The following ASTN2 variants were observed in gnomAD, a reference collection of about 807,000 sequenced individuals.
ASTN2 encodes astrotactin-2.
In ASTN2, 54 loss-of-function variants were observed where a neutral mutation model predicts 139.8. The ratio of observed to expected loss-of-function variants is 0.39; its 90% confidence interval spans 0.31 to 0.48. The LOEUF is 0.48. Among genes scored for constraint, ASTN2 ranks in the 20% least tolerant of loss-of-function variants. The pLI is 0.95. For missense variants in ASTN2, 1,565 were observed against 1,725.1 expected, an observed-to-expected ratio of 0.91 and a Z score of 1.64; for synonymous variants, 756 against 719.5, an observed-to-expected ratio of 1.05 and a Z score of -0.81.
chr9:116,903,174 T>C (rs536979564), intron 10 of ASTN2, among the ~76,000 whole-genome samples: 2 of 152,318 alleles, frequency 1.3e-5, no homozygotes, highest in Non-Finnish European at 2.9e-5. Context: ...CTACTTAAAA[T>C]TGTGGCTCTC....
intron 10 of ASTN2, among the ~76,000 whole-genome samples, chr9:116,962,703 G>A (rs577121169): frequency 1.7e-4 from 26 of 152,060 alleles, no homozygotes; most frequent in African/African-American, 1.9e-4. Flanking sequence ...TTTTAATTTC[G>A]TTGCATCTAC....
chr9:116,499,524 A>G lies in ASTN2; in HGVS notation c.3356-12024T>C, dbSNP rs552321748. The stretch of plus-strand genomic sequence containing the variant: ...ACAGCTCCCTGTGTCCCTCTCTATT[A>G]TAGTCCATAACTCATTGTCCTGTAA... On this transcript the variant is annotated intron_variant, in intron 19 of 22. Transcript: ENST00000313400. Among the ~76,000 whole-genome samples the G allele has an allele frequency of 2.6e-5, 4 of 152,244 alleles. No homozygotes were observed. The South Asian group carries it at 8.3e-4, about 32-fold the overall frequency.
chr9:116,616,780 G>GACAC (rs59771463), intron 19 of ASTN2, among the ~76,000 whole-genome samples: 204 of 149,676 alleles, frequency 1.4e-3, no homozygotes, highest in Middle Eastern at 6.8e-3. Context: ...GAAGGACAAA[G>GACAC]ACACACACAC....
At chr9:117,390,791 T>C (rs1245104738) in intron 1 of ASTN2, among the ~76,000 whole-genome samples, 1 of 152,216 alleles carries the variant, frequency 6.6e-6, no homozygotes, top group African/African-American at 2.4e-5. Flanking sequence ...TTGACAATTA[T>C]GAATAAAGCT....
intron 16 of ASTN2, among the ~76,000 whole-genome samples, chr9:116,675,827 A>G (rs1360623674): frequency 6.6e-6 from 1 of 152,132 alleles, no homozygotes; most frequent in African/African-American, 2.4e-5. Flanking sequence ...CAGAGACCCC[A>G]TTGTGAATTG....
At chr9:117,351,235 A>C (rs1829376636) in intron 1 of ASTN2, among the ~76,000 whole-genome samples, 1 of 152,192 alleles carries the variant, frequency 6.6e-6, no homozygotes, top group South Asian at 2.1e-4. Context: ...ATCCCAGCTC[A>C]AAAACCTTAA....
At chr9:116,942,629 C>T (rs1005726311) in intron 10 of ASTN2, among the ~76,000 whole-genome samples, 1 of 152,256 alleles carries the variant, frequency 6.6e-6, no homozygotes, top group South Asian at 2.1e-4. Flanking sequence ...TGTGCACACA[C>T]ACACTCAACC....
intron 1 of ASTN2, among the ~76,000 whole-genome samples, chr9:117,302,272 G>C (rs1309203772): frequency 6.6e-6 from 1 of 152,090 alleles, no homozygotes; most frequent in East Asian, 1.9e-4. Context: ...AATTACAACA[G>C]GAAGAGAGTG....
At chr9:116,898,555 G>A (rs146095464) in intron 10 of ASTN2, among the ~76,000 whole-genome samples, 240 of 152,246 alleles carry the variant, frequency 1.6e-3, no homozygotes, top group African/African-American at 5.6e-3. Flanking sequence ...TGACCACAGG[G>A]CAACCTGTAG....
At chr9:116,998,175 G>A (rs369361127) in intron 7 of ASTN2, among the ~76,000 whole-genome samples, 1 of 152,124 alleles carries the variant, frequency 6.6e-6, no homozygotes, top group Non-Finnish European at 1.5e-5. Flanking sequence ...TTTAATTCAG[G>A]TTCTAGTAAA....
At chr9:117,159,883 G>A (rs1374687681) in intron 3 of ASTN2, among the ~76,000 whole-genome samples, 1 of 152,006 alleles carries the variant, frequency 6.6e-6, no homozygotes, top group East Asian at 1.9e-4. Context: ...GTGTTTGTGG[G>A]TAAAGTGGAG....
chr9:117,257,339 T>G (rs1833714242), intron 2 of ASTN2, among the ~76,000 whole-genome samples: 1 of 152,210 alleles, frequency 6.6e-6, no homozygotes. Context: ...AAAAGTAGAT[T>G]CATGATCCAG....
intron 16 of ASTN2, chr9:116,700,442 A>C (rs1861115038): frequency 6.0e-6 from 1 of 167,176 alleles, no homozygotes; most frequent in African/African-American, 2.4e-5. Flanking sequence ...GGTTGGAATT[A>C]TGCCAAAGCA....
intron 13 of ASTN2, among the ~76,000 whole-genome samples, chr9:116,786,724 C>G (rs1190312175): frequency 2.6e-5 from 4 of 152,130 alleles, no homozygotes; most frequent in African/African-American, 9.7e-5. Flanking sequence ...GTAAAGAAAT[C>G]AGTTTAAAAA....
chr9:117,273,915 T>C (rs1834123558), intron 2 of ASTN2, among the ~76,000 whole-genome samples: 2 of 152,204 alleles, frequency 1.3e-5, no homozygotes, highest in African/African-American at 4.8e-5. Flanking sequence ...CAACCTCATT[T>C]TTCACTTTGC....
intron 13 of ASTN2, among the ~76,000 whole-genome samples, chr9:116,746,931 A>C (rs962591501): frequency 2.6e-5 from 4 of 152,172 alleles, no homozygotes; most frequent in African/African-American, 7.2e-5. Flanking sequence ...TGCTTATTCA[A>C]TAAATTGCTG....
intron 10 of ASTN2, among the ~76,000 whole-genome samples, chr9:116,918,803 TATAAAC>T (rs1834522338): frequency 6.6e-6 from 1 of 152,224 alleles, no homozygotes; most frequent in Non-Finnish European, 1.5e-5. Context: ...ATTACAGTCT[TATAAAC>T]ATAAGTCTAT....
At chr9:116,936,179 TCGCCACCACCAG>T (rs1835071917) in intron 10 of ASTN2, among the ~76,000 whole-genome samples, 1 of 9,184 alleles carries the variant, frequency 1.1e-4, no homozygotes, top group African/African-American at 4.5e-4. Context: ...ACCAACACCA[TCGCCACCACCAG>T]TACCACAACC....
At chr9:117,268,682 A>G (rs778322052) in intron 2 of ASTN2, among the ~76,000 whole-genome samples, 10 of 152,344 alleles carry the variant, frequency 6.6e-5, no homozygotes, top group Middle Eastern at 3.4e-3. Flanking sequence ...GCAAATGAAC[A>G]AGCTCCAGGT....
Sources: allele counts gnomAD v4.1 joint callset (sites outside exome capture counted in the v4.1 genomes callset), GRCh38; gene constraint gnomAD v4.1.1; transcripts MANE v1.5; gene names NCBI Gene and HGNC (gene_info 2026-07-23, HGNC 2026-07-21).